Variants in NADK observed in about 807,000 individuals in gnomAD.
The protein encoded by NADK is NAD kinase.
Under a neutral mutation model 49.8 loss-of-function variants are expected in NADK, and 22 were observed. That is an observed-to-expected ratio of 0.44 (90% CI 0.32 to 0.63). NADK has a LOEUF of 0.63. Among genes scored for constraint, NADK ranks in the 30% least tolerant of loss-of-function variants. NADK has a pLI of 0.06. For synonymous variants in NADK, 268 were observed against 253.7 expected (o/e 1.06, Z -0.54); for missense variants, 438 against 609.4 (o/e 0.72, Z 2.96).
At chr1:1,758,163 T>A (rs1467656069) in intron 3 of NADK, among the ~76,000 whole-genome samples, 1 of 152,142 alleles carries the variant, frequency 6.6e-6, no homozygotes, top group African/African-American at 2.4e-5. Context: ...CAAGTTCTTA[T>A]ACCACCGCGC....
intron 6 of NADK, among the ~76,000 whole-genome samples, 155 bp from the exon 7 acceptor site, chr1:1,755,631 G>C (rs1258325150): frequency 7.9e-5 from 12 of 152,198 alleles, no homozygotes; most frequent in Admixed American, 7.9e-4. Context: ...GGAGGGGGAC[G>C]TCGCAGGCCA....
At chr1:1,759,673 C>A in intron 3 of NADK, 1 of 1,499,878 alleles carries the variant, frequency 6.7e-7, no homozygotes, top group Non-Finnish European at 9.0e-7. Flanking sequence ...CCAGAGGGGG[C>A]GTGCTCCCAT....
At chr1:1,753,307 G>A (rs1178793821) in intron 11 of NADK, among the ~76,000 whole-genome samples, 1 of 152,148 alleles carries the variant, frequency 6.6e-6, no homozygotes, top group African/African-American at 2.4e-5. Flanking sequence ...GAGGTCCCAG[G>A]AGGTGGGTGG....
At chr1:1,769,601 G>A (rs190235266) in intron 1 of NADK, among the ~76,000 whole-genome samples, 1 of 152,180 alleles carries the variant, frequency 6.6e-6, no homozygotes, top group African/African-American at 2.4e-5. Context: ...GGTGGCGCGT[G>A]CCTGTAATTC....
chr1:1,771,056 ATAT>A (rs1178530393), intron 1 of NADK, among the ~76,000 whole-genome samples: 15 of 126,220 alleles, frequency 1.2e-4, no homozygotes, highest in African/African-American at 3.6e-4. Flanking sequence ...AAAAAAAAAA[ATAT>A]ATATATATAT....
At chr1:1,776,576 C>T (rs1466761883) in intron 1 of NADK, among the ~76,000 whole-genome samples, 1 of 152,028 alleles carries the variant, frequency 6.6e-6, no homozygotes, top group Non-Finnish European at 1.5e-5. Flanking sequence ...GAGTTCGAGA[C>T]AAGCCTGGCC....
At chr1:1,756,039 G>A (rs1015769723) in intron 6 of NADK, 10 of 598,392 alleles carry the variant, frequency 1.7e-5, no homozygotes, top group East Asian at 1.7e-4. Context: ...TGTCCCAGGC[G>A]GGCGCTGGCC....
At chr1:1,758,979 C>G in intron 3 of NADK, 1 of 1,291,664 alleles carries the variant, frequency 7.7e-7, no homozygotes, top group Non-Finnish European at 1.0e-6. Context: ...CGCTGCGTCA[C>G]TCTGCTTGGC....
intron 11 of NADK, 114 bp from the exon 12 acceptor site, chr1:1,753,174 C>T (rs919900721): frequency 2.1e-5 from 28 of 1,306,748 alleles, no homozygotes; most frequent in East Asian, 1.8e-4. Context: ...CCTGTGGGGC[C>T]GGGCAGCCCC....
Position 1,752,528 on chromosome 1 carries a change from C to G in NADK, c.*376G>C. ...GCTCAAGGAAGGTTTTTGGCTGAGACATTTATTATCAACATTGAAGGACAG... is the reference window on the plus strand; with the variant it reads ...GCTCAAGGAAGGTTTTTGGCTGAGAGATTTATTATCAACATTGAAGGACAG... On this transcript the variant is annotated 3_prime_UTR_variant, in exon 12 of 12. Coordinates refer to ENST00000341426, the MANE Select transcript of NADK (RefSeq NM_023018.5). 5.8e-6 allele frequency: 1 copy of G among 172,856 alleles called. No individual in the cohort carries two copies. Among genetic ancestry groups the G allele is most frequent in the Non-Finnish European group, 1.2e-5 (1 of 81,794 alleles). 10.7% of individuals were successfully genotyped at this position (172,856 alleles called of 1,614,324 possible).
At chr1:1,772,967 G>C (rs1192717824) in intron 1 of NADK, among the ~76,000 whole-genome samples, 5 of 151,274 alleles carry the variant, frequency 3.3e-5, no homozygotes, top group Admixed American at 6.6e-5. Context: ...CTTGAACCTG[G>C]GAGGGGGAGG....
intron 10 of NADK, 82 bp downstream of exon 10, chr1:1,753,969 G>C: frequency 1.4e-6 from 2 of 1,476,374 alleles, no homozygotes; most frequent in South Asian, 2.7e-5. Context: ...CAGCATGGCA[G>C]AGCGGGGTGC....
chr1:1,768,863 G>A (rs1337601175), intron 1 of NADK, among the ~76,000 whole-genome samples: 1 of 152,158 alleles, frequency 6.6e-6, no homozygotes, highest in East Asian at 1.9e-4. Flanking sequence ...CAGGAACTAT[G>A]GACACAAGAC....
At chr1:1,759,091 C>A (rs1362564824) in intron 3 of NADK, 3 of 1,522,972 alleles carry the variant, frequency 2.0e-6, no homozygotes, top group Admixed American at 2.1e-5. Flanking sequence ...CGCCAACAGT[C>A]ACCACTGACC....
intron 1 of NADK, among the ~76,000 whole-genome samples, chr1:1,775,476 C>T (rs1646185537): frequency 6.6e-6 from 1 of 152,228 alleles, no homozygotes; most frequent in Admixed American, 6.5e-5. Flanking sequence ...GGCATGCACA[C>T]TGGCAGTATA....
chr1:1,765,521 A>G (rs1645859443), intron 1 of NADK, 75 bp from the exon 2 acceptor site: 1 of 739,972 alleles, frequency 1.4e-6, no homozygotes, highest in Non-Finnish European at 2.0e-6. Flanking sequence ...ACACATACAT[A>G]TGTTCCATTT....
intron 3 of NADK, 130 bp from the exon 4 acceptor site, chr1:1,757,440 G>T: frequency 1.3e-6 from 1 of 798,980 alleles, no homozygotes; most frequent in Non-Finnish European, 2.0e-6. Flanking sequence ...GTGCTCGGTG[G>T]CCACGGGCTC....
At chr1:1,765,782 C>T (rs1645867911) in intron 1 of NADK, among the ~76,000 whole-genome samples, 2 of 151,980 alleles carry the variant, frequency 1.3e-5, no homozygotes, top group East Asian at 1.9e-4. Flanking sequence ...CTGTGGTGGG[C>T]GCCTGTAGTC....
chr1:1,765,178 T>C (rs1283277309), intron 2 of NADK, 50 bp downstream of exon 2: 4 of 1,486,572 alleles, frequency 2.7e-6, no homozygotes, highest in Non-Finnish European at 3.6e-6. Flanking sequence ...AGAAAGAATA[T>C]TATGAAATCA....
Sources: allele counts gnomAD v4.1 joint callset (sites outside exome capture counted in the v4.1 genomes callset), GRCh38; gene constraint gnomAD v4.1.1; transcripts MANE v1.5; gene names NCBI Gene and HGNC (gene_info 2026-07-23, HGNC 2026-07-21).